The following EEF1E1 variants were observed in gnomAD, a reference collection of about 807,000 sequenced individuals.
The protein encoded by EEF1E1 is eukaryotic translation elongation factor 1 epsilon-1.
A neutral mutation model predicts 19.9 loss-of-function variants in EEF1E1; 19 were observed. The observed-to-expected ratio is 0.95, with a 90% CI of 0.66 to 1.40. EEF1E1 has a LOEUF of 1.40. Among genes scored for constraint, EEF1E1 ranks in the 40% most tolerant of loss-of-function variants. The probability of loss-of-function intolerance (pLI) is 0.00; values close to 1 mark genes in which losing one functional copy is unlikely to be tolerated. For missense variants in EEF1E1, 198 were observed against 202.2 expected (o/e 0.98, Z 0.13); for synonymous variants, 81 against 80.0 (o/e 1.01, Z -0.07).
chr6:8,090,873 T>G (rs1303854320), intron 2 of EEF1E1, among the ~76,000 whole-genome samples: 1 of 152,222 alleles, frequency 6.6e-6, no homozygotes. Context: ...CAGGATTTCC[T>G]TCTTTTTTAG....
At chr6:8,086,438 C>T (rs776491044) in intron 3 of EEF1E1, among the ~76,000 whole-genome samples, 4 of 151,446 alleles carry the variant, frequency 2.6e-5, no homozygotes, top group Admixed American at 1.3e-4. Flanking sequence ...GAGGAGAAAA[C>T]GACTTTGTTT....
chr6:8,102,375 G>A, intron 1 of EEF1E1, 60 bp downstream of exon 1: 1 of 1,531,108 alleles, frequency 6.5e-7, no homozygotes, highest in Non-Finnish European at 8.9e-7. Context: ...GGTCCTGCCA[G>A]GGCTCGGCAG....
At chr6:8,101,726 A>G (rs1453327501) in intron 1 of EEF1E1, 1 of 1,286,778 alleles carries the variant, frequency 7.8e-7, no homozygotes, top group Non-Finnish European at 1.0e-6. Context: ...ACTATAAAAC[A>G]CAAACGTTCT....
At chr6:8,099,462 T>C (rs541302485) in intron 1 of EEF1E1, among the ~76,000 whole-genome samples, 1 of 152,292 alleles carries the variant, frequency 6.6e-6, no homozygotes, top group South Asian at 2.1e-4. Flanking sequence ...AAGAACACTC[T>C]AAGGCTGGGC....
chr6:8,079,901 T>C lies in EEF1E1; in HGVS notation c.514A>G (p.Asn172Asp). Reference protein sequence around the residue: ...VVFIKNRLYTNSH With the variant: ...VVFIKNRLYTDSH ...GGCATGGACAGCTTCTAGTGGGAAT[T>C]AGTATATAGTCTGTTCTTGATGAAG... Residue 172 changes from asparagine to aspartate, a missense_variant, in exon 4 of 4, where the codon AAT becomes GAT. Physicochemically the swap from Asn to Asp is conservative, Grantham distance 23. Transcript: ENST00000379715. 1 of 1,611,756 alleles carries C rather than the reference T, an allele frequency of 6.2e-7. No homozygotes were observed.
intron 1 of EEF1E1, chr6:8,101,801 A>G (rs1403691831): frequency 8.5e-6 from 11 of 1,289,212 alleles, no homozygotes; most frequent in Non-Finnish European, 1.1e-5. Flanking sequence ...GGGTCGTAAC[A>G]CTTAAACTGA....
intron 2 of EEF1E1, among the ~76,000 whole-genome samples, chr6:8,094,351 C>G (rs1239222471): frequency 6.6e-6 from 1 of 151,924 alleles, no homozygotes; most frequent in Non-Finnish European, 1.5e-5. Flanking sequence ...AATCCCAACA[C>G]TTCAGGAGGC....
chr6:8,076,480 C>A (rs952963161), downstream of EEF1E1, among the ~76,000 whole-genome samples: 7 of 151,976 alleles, frequency 4.6e-5, no homozygotes, highest in African/African-American at 1.5e-4. Flanking sequence ...CCCACCACCA[C>A]GCCCGGCTAA....
chr6:8,094,029 C>T (rs1758097403), intron 2 of EEF1E1, among the ~76,000 whole-genome samples: 1 of 152,046 alleles, frequency 6.6e-6, no homozygotes, highest in South Asian at 2.1e-4. Context: ...GGACTCCTAA[C>T]CTCAAGTGAT....
In EEF1E1 at chr6:8,099,787, CACACAA is replaced by C. The variant is rs1317859531; in HGVS notation, c.88-2326_88-2321del. Among the ~76,000 whole-genome samples, 14 of 81,646 alleles carry C rather than the reference CACACAA, an allele frequency of 1.7e-4. 1 individual carries two copies. Among genetic ancestry groups the C allele is most frequent in the East Asian group, 2.7e-4 (1 of 3,740 alleles). 53.6% of individuals were successfully genotyped at this position (81,646 alleles called of 152,430 possible). A position where few individuals can be genotyped will look rare whatever the true frequency, so the allele number is the denominator to read the frequency against. ...ACACACACACACACACACACACACA[CACACAA>C]AAAAAAAACAGAACCCTCTATAATG... On this transcript the variant is annotated intron_variant, in intron 1 of 3. Transcript: ENST00000379715.
intron 3 of EEF1E1, among the ~76,000 whole-genome samples, chr6:8,086,252 T>C (rs949577927): frequency 6.6e-6 from 1 of 152,200 alleles, no homozygotes; most frequent in African/African-American, 2.4e-5. Context: ...TCCACTTCTA[T>C]GACTGTCATG....
chr6:8,095,457 T>A lies in EEF1E1; in HGVS notation c.288+1810A>T, dbSNP rs573265742. The A allele has an allele frequency of 2.7e-3, 923 of 339,362 alleles. 20 individuals carry two copies. Among genetic ancestry groups the A allele is most frequent in the South Asian group, 0.019 (903 of 48,664 alleles). 21.0% of individuals were successfully genotyped at this position (339,362 alleles called of 1,614,324 possible). A position where few individuals can be genotyped will look rare whatever the true frequency, so the allele number is the denominator to read the frequency against. ...GGCGGAGGTTGCAGTGAGCCAAGATTACGCCATTGCATTCCAGCCTGGGTG... is the reference window on the plus strand; with the variant it reads ...GGCGGAGGTTGCAGTGAGCCAAGATAACGCCATTGCATTCCAGCCTGGGTG... On this transcript the variant is annotated intron_variant, in intron 2 of 3. Coordinates refer to ENST00000379715, the MANE Select transcript of EEF1E1 (RefSeq NM_004280.5).
chr6:8,098,170 A>G (rs1758225713), intron 1 of EEF1E1, among the ~76,000 whole-genome samples: 1 of 151,432 alleles, frequency 6.6e-6, no homozygotes. Context: ...CCCAAGCTGG[A>G]GTGCAGTGGC....
chr6:8,089,664 C>T (rs540488468), intron 3 of EEF1E1, among the ~76,000 whole-genome samples: 2 of 152,314 alleles, frequency 1.3e-5, no homozygotes, highest in South Asian at 2.1e-4. Flanking sequence ...TTGGCAACAC[C>T]GTCACAGACA....
In EEF1E1 at chr6:8,080,883, C is replaced by T. The variant is rs145845326; in HGVS notation, c.385-853G>A. Among the ~76,000 whole-genome samples, 3 of 152,322 alleles carry T rather than the reference C, an allele frequency of 2.0e-5. No individual in the cohort carries two copies. The East Asian group carries it at 5.8e-4, about 29-fold the overall frequency. ...AGAAAGAAATAACTCAGCCACCCTA[C>T]AAGCGCTACAAACCCCCCAGCAGCC... On this transcript the variant is annotated intron_variant, in intron 3 of 3. Transcript: ENST00000379715.
intron 1 of EEF1E1, chr6:8,102,221 C>T: frequency 1.6e-6 from 1 of 613,384 alleles, no homozygotes; most frequent in Non-Finnish European, 2.0e-6. Context: ...TCAGGCCAAG[C>T]CCAACCTGAG....
At chr6:8,099,422 T>C (rs1261896978) in intron 1 of EEF1E1, among the ~76,000 whole-genome samples, 1 of 152,184 alleles carries the variant, frequency 6.6e-6, no homozygotes, top group Non-Finnish European at 1.5e-5. Flanking sequence ...ATACCTACTA[T>C]TTGTGAAGTA....
At chr6:8,080,115 T>G (rs1308848029) in intron 3 of EEF1E1, 85 bp from the exon 4 acceptor site, 3 of 1,461,720 alleles carry the variant, frequency 2.1e-6, no homozygotes, top group East Asian at 2.3e-5. Context: ...GAGATAGAAG[T>G]TGAAAAACAA....
At chr6:8,099,774 ACACACACACAC>A (rs1561646248) in intron 1 of EEF1E1, among the ~76,000 whole-genome samples, 4 of 123,448 alleles carry the variant, frequency 3.2e-5, no homozygotes, top group African/African-American at 6.8e-5. Context: ...ACACACACAC[ACACACACACAC>A]ACACACAAAA....
Sources: allele counts gnomAD v4.1 joint callset (sites outside exome capture counted in the v4.1 genomes callset), GRCh38; gene constraint gnomAD v4.1.1; transcripts MANE v1.5; gene names NCBI Gene and HGNC (gene_info 2026-07-23, HGNC 2026-07-21).